The following CACNG4 variants were observed in gnomAD, a reference collection of about 807,000 sequenced individuals.
The protein encoded by CACNG4 is voltage-dependent calcium channel gamma-4 subunit.
A neutral mutation model predicts 22.9 loss-of-function variants in CACNG4; 8 were observed. That is an observed-to-expected ratio of 0.35 (90% CI 0.21 to 0.63). The LOEUF (loss-of-function observed/expected upper bound fraction) is 0.63. Among genes scored for constraint, CACNG4 ranks in the 30% least tolerant of loss-of-function variants. The probability of loss-of-function intolerance (pLI) is 0.72; values close to 1 mark genes in which losing one functional copy is unlikely to be tolerated. For synonymous variants in CACNG4, 188 were observed against 191.9 expected (o/e 0.98, Z 0.17); for missense variants, 357 against 455.4 (o/e 0.78, Z 1.97).
chr17:66,974,390 CT>C (rs2143278206), intron 1 of CACNG4, among the ~76,000 whole-genome samples: 1 of 152,290 alleles, frequency 6.6e-6, no homozygotes, highest in South Asian at 2.1e-4. Flanking sequence ...TTAAAATGGA[CT>C]CTGTTGAAAA....
At position 66,996,236 on chromosome 17, in the gene CACNG4, G is replaced by A. The variant is rs796569953; in HGVS notation, c.221-21953G>A. Among the ~76,000 whole-genome samples the A allele has an allele frequency of 4.1e-5, 6 of 145,346 alleles. No homozygotes were observed. In the South Asian group the frequency reaches 1.1e-3, roughly 26 times the overall value. ...TATCTTACTCGCTAGTGGTAAAGAG[G>A]GCAGAAGGCAGAGTGGATTTTTTTT... On this transcript the variant is annotated intron_variant, in intron 1 of 3. Coordinates refer to ENST00000262138, the MANE Select transcript of CACNG4 (RefSeq NM_014405.4).
At chr17:66,969,831 T>C (rs568930213) in intron 1 of CACNG4, among the ~76,000 whole-genome samples, 5 of 152,120 alleles carry the variant, frequency 3.3e-5, no homozygotes, top group African/African-American at 1.2e-4. Context: ...CATCAAATAA[T>C]AGCCTTTCTC....
intron 1 of CACNG4, among the ~76,000 whole-genome samples, chr17:66,982,775 C>T (rs1050019654): frequency 6.6e-5 from 10 of 152,150 alleles, no homozygotes; most frequent in Non-Finnish European, 2.9e-5. Context: ...AGGCTGGCTT[C>T]AAACTCCTGG....
In CACNG4 at chr17:67,032,778, C is replaced by A; in HGVS notation, c.*1774C>A. 1 of 152,960 alleles carries A rather than the reference C, an allele frequency of 6.5e-6. No homozygotes were observed. The highest frequency in any genetic ancestry group is 1.5e-5 in the Non-Finnish European group (1 of 68,386). The allele number at this position is 152,960 out of a possible 1,614,324, so 9.5% of individuals were successfully genotyped here. ...TGCCCAGCAGCGGATGCTGAAGCAC[C>A]AGAGCTCAAGGCCTTCACCTGCTCT... On this transcript the variant is annotated 3_prime_UTR_variant, in exon 4 of 4. Transcript: ENST00000262138.
At chr17:66,981,149 G>A (rs1439331308) in intron 1 of CACNG4, among the ~76,000 whole-genome samples, 1 of 152,054 alleles carries the variant, frequency 6.6e-6, no homozygotes, top group Non-Finnish European at 1.5e-5. Flanking sequence ...TGTCTTTGTT[G>A]CCAGGTGCTC....
Position 67,002,618 on chromosome 17 carries a change from T to TTCTCTCTCTCTCTCTCTCTCTCTC in CACNG4, c.221-15566_221-15543dup, listed in dbSNP as rs58727233. Among the ~76,000 whole-genome samples the TTCTCTCTCTCTCTCTCTCTCTCTC allele has an allele frequency of 2.2e-4, 32 of 145,534 alleles. No homozygotes were observed. In the East Asian group the frequency reaches 5.8e-3, roughly 26 times the overall value. On this transcript the variant is annotated intron_variant, in intron 1 of 3. Coordinates refer to ENST00000262138, the MANE Select transcript of CACNG4 (RefSeq NM_014405.4). ...CTCTCTCCACCTCTCATCTCTCTCT[T>TTCTCTCTCTCTCTCTCTCTCTCTC]TCTCTCTCTCTCTCTCTCTCTCTCT... is the stretch of plus-strand genomic sequence containing the variant.
chr17:67,003,502 A>C, intron 1 of CACNG4, among the ~76,000 whole-genome samples: 1 of 152,300 alleles, frequency 6.6e-6, no homozygotes, highest in East Asian at 1.9e-4. Flanking sequence ...CCATGGGCTG[A>C]GAAGGGGAAG....
chr17:67,002,363 T>C (rs2035413312), intron 1 of CACNG4, among the ~76,000 whole-genome samples: 2 of 152,208 alleles, frequency 1.3e-5, no homozygotes, highest in Admixed American at 6.5e-5. Context: ...TTATGGGAGC[T>C]ACAATTCAAG....
At chr17:66,981,215 A>C (rs1011992760) in intron 1 of CACNG4, among the ~76,000 whole-genome samples, 12 of 152,168 alleles carry the variant, frequency 7.9e-5, no homozygotes, top group African/African-American at 2.9e-4. Flanking sequence ...AGCGCGAGGG[A>C]ATATGGAAGG....
rs1353832646 is a variant in CACNG4, at chr17:67,027,835, A to G, written c.446-2631A>G. 1.3e-5 allele frequency among the ~76,000 whole-genome samples: 2 copies of G among 151,982 alleles called. No individual in the cohort carries two copies. Among genetic ancestry groups the G allele is most frequent in the African/African-American group, 2.4e-5 (1 of 41,392 alleles). On this transcript the variant is annotated intron_variant, in intron 3 of 3. Coordinates refer to ENST00000262138, the MANE Select transcript of CACNG4 (RefSeq NM_014405.4). This position sits in a 1 kb window ranked among gnomAD's most constrained non-coding sequence, Gnocchi z 4.3. The stretch of plus-strand genomic sequence containing the variant: ...GGAGTTCGAGACCAGCCTGGCCAAC[A>G]TGGTGAAACCCTGTCTCTACCAAAA...
At chr17:67,009,661 G>T (rs1016085897) in intron 1 of CACNG4, among the ~76,000 whole-genome samples, 6 of 152,178 alleles carry the variant, frequency 3.9e-5, no homozygotes, top group Non-Finnish European at 7.4e-5. Context: ...AGTTCTGGAG[G>T]CTGCGAAGTC....
chr17:66,965,212 GCA>G lies in CACNG4; in HGVS notation c.220+93_220+94del, dbSNP rs1185783075. On this transcript the variant is annotated intron_variant, in intron 1 of 3. Transcript: ENST00000262138. ...TATACACACGCGCGCGCGCGCGCGC[GCA>G]CACACACACACGCGCACACACTGCC... 395 of 638,194 alleles carry G rather than the reference GCA, an allele frequency of 6.2e-4. 1 individual carries two copies. Among genetic ancestry groups the G allele is most frequent in the Middle Eastern group, 2.9e-3 (6 of 2,092 alleles). 39.5% of individuals were successfully genotyped at this position (638,194 alleles called of 1,614,324 possible).
intron 1 of CACNG4, among the ~76,000 whole-genome samples, chr17:66,977,072 G>A (rs2035242437): frequency 6.6e-6 from 1 of 152,052 alleles, no homozygotes; most frequent in South Asian, 2.1e-4. Context: ...CACGCCCACT[G>A]CCTTCCTTCC....
rs535107281 is a variant in CACNG4, at chr17:67,024,967, G to T, written c.412G>T (p.Val138Phe). 2 of 1,604,172 alleles carry T rather than the reference G, an allele frequency of 1.2e-6. No individual in the cohort carries two copies. The highest frequency in any genetic ancestry group is 1.7e-6 in the Non-Finnish European group (2 of 1,176,750). ...GATCTACAGCCGCAAGAACAACATC[G>T]TCCTCAGTGCCGGCATCCTCTTCGT... is the stretch of plus-strand genomic sequence containing the variant. ...GRIYSRKNNI[V>F]LSAGILFVAA... is the part of the protein sequence containing the mutation. The change falls in exon 3 of 4, where the codon GTC becomes TTC. Residue 138 changes from valine (V) to phenylalanine (F), a missense_variant. Val to Phe is a conservative substitution (Grantham distance 50, BLOSUM62 -1). Transcript: ENST00000262138.
chr17:66,971,932 T>C (rs9910701), intron 1 of CACNG4, among the ~76,000 whole-genome samples: 10,857 of 152,078 alleles, frequency 0.071, 1,043 homozygotes, highest in African/African-American at 0.22. Context: ...TCTGACTGCA[T>C]TTGGAGATGG....
intron 2 of CACNG4, among the ~76,000 whole-genome samples, chr17:67,019,345 T>C (rs574682335): frequency 6.6e-6 from 1 of 152,178 alleles, no homozygotes; most frequent in Non-Finnish European, 1.5e-5. Flanking sequence ...CCTCCCATCC[T>C]TCCTCCCTCA....
At chr17:66,993,854 C>G (rs142672865) in intron 1 of CACNG4, among the ~76,000 whole-genome samples, 1 of 152,002 alleles carries the variant, frequency 6.6e-6, no homozygotes, top group Admixed American at 6.6e-5. Context: ...CTCCTGACCT[C>G]GTGATCCACC....
Position 67,030,540 on chromosome 17 carries a change from G to T in CACNG4, c.520G>T (p.Asp174Tyr). Residue 174 changes from aspartate (D) to tyrosine (Y), a missense_variant, in exon 4 of 4, where the codon GAC becomes TAC. This residue lies in a region of CACNG4 where 240 missense variants were observed against 277.6 expected (regional missense o/e 0.86). Transcript: ENST00000262138. The surrounding 1 kb of genome is among the most constrained non-coding windows in gnomAD (Gnocchi z 6.4). ...TGACCCGAGTGACAAGCGGGACGAAGACAAAAAGAACCATTACAACTACGG... is the reference window on the plus strand; with the variant it reads ...TGACCCGAGTGACAAGCGGGACGAATACAAAAAGAACCATTACAACTACGG... ...TGDPSDKRDE[D>Y]KKNHYNYGWS... is the part of the protein sequence containing the mutation. 1 of 1,614,190 alleles carries T rather than the reference G, an allele frequency of 6.2e-7. No individual in the cohort carries two copies.
rs1367875385 is a variant in CACNG4 at position 67,031,117 on chromosome 17, C to T, written c.*113C>T. 3 of 1,175,044 alleles carry T rather than the reference C, an allele frequency of 2.6e-6. No individual in the cohort carries two copies. The African/African-American group carries it at 4.6e-5, about 18-fold the overall frequency. The allele number at this position is 1,175,044 out of a possible 1,614,324, so 72.8% of individuals were successfully genotyped here. A position where few individuals can be genotyped will look rare whatever the true frequency, so the allele number is the denominator to read the frequency against. ...ACAATGAACTAAAGCCAAATGCAGC[C>T]CTCCCTGGCCTCCAGAGGTGGCGTG... On this transcript the variant is annotated 3_prime_UTR_variant, in exon 4 of 4. Transcript: ENST00000262138. This position sits in a 1 kb window ranked among gnomAD's most constrained non-coding sequence, Gnocchi z 4.0.
Sources: allele counts gnomAD v4.1 joint callset (sites outside exome capture counted in the v4.1 genomes callset), GRCh38; gene constraint gnomAD v4.1.1; regional missense constraint gnomAD v4.1.1; non-coding constraint Gnocchi (gnomAD v3.1); transcripts MANE v1.5; gene names NCBI Gene and HGNC (gene_info 2026-07-23, HGNC 2026-07-21).